DNAH5: variants seen among roughly 807,000 people sequenced by gnomAD.
The protein encoded by DNAH5 is axonemal beta dynein heavy chain 5.
Under a neutral mutation model 518.2 loss-of-function variants are expected in DNAH5, and 372 were observed. The observed-to-expected ratio is 0.72, with a 90% CI of 0.66 to 0.78. The LOEUF (loss-of-function observed/expected upper bound fraction) is 0.78, where lower values mean the gene tolerates loss of function less well. Ranked by LOEUF, DNAH5 falls within the 30% of genes least tolerant of loss-of-function variation. The pLI, the probability that DNAH5 is intolerant of heterozygous loss-of-function variation, is 0.00. For missense variants in DNAH5, 5,523 were observed against 5,687.0 expected (o/e 0.97, Z 0.93); for synonymous variants, 2,039 against 2,025.9 (o/e 1.01, Z -0.17).
intron 34 of DNAH5, among the ~76,000 whole-genome samples, chr5:13,840,673 AT>A (rs1404890272): frequency 6.6e-6 from 1 of 152,230 alleles, no homozygotes; most frequent in Non-Finnish European, 1.5e-5. Flanking sequence ...ACGTTAAAAC[AT>A]TTTTGAATAA....
intron 68 of DNAH5, 132 bp downstream of exon 68, chr5:13,734,998 TA>T: frequency 2.5e-6 from 2 of 810,770 alleles, no homozygotes; most frequent in Non-Finnish European, 2.0e-6. Context: ...AAAGAACAAA[TA>T]AAATATCTCA....
In DNAH5 at chr5:13,704,997, T is replaced by A. The variant is rs144339630; in HGVS notation, c.13338+3126A>T. Reference sequence around the variant, plus strand: ...TATAGTTTATACCAATAGACAATTTTTTTTTTTTTTCTGAGAGGGAGTCTC... The same window carrying A: ...TATAGTTTATACCAATAGACAATTTATTTTTTTTTTCTGAGAGGGAGTCTC... On this transcript the variant is annotated intron_variant, in intron 76 of 78. Coordinates refer to ENST00000265104, the MANE Select transcript of DNAH5 (RefSeq NM_001369.3). 1.3e-3 allele frequency among the ~76,000 whole-genome samples: 190 copies of A among 151,958 alleles called. 1 individual carries two copies. In the East Asian group the frequency reaches 0.033, roughly 27 times the overall value.
intron 1 of DNAH5, among the ~76,000 whole-genome samples, chr5:13,963,431 A>G (rs1161451713): frequency 6.6e-6 from 1 of 152,058 alleles, no homozygotes; most frequent in Non-Finnish European, 1.5e-5. Flanking sequence ...TACAAAAATT[A>G]GCTGGGTGTG....
intron 78 of DNAH5, among the ~76,000 whole-genome samples, chr5:13,695,345 G>A (rs1344170655): frequency 1.3e-5 from 2 of 152,132 alleles, no homozygotes; most frequent in Admixed American, 6.6e-5. Flanking sequence ...AGCACCATCC[G>A]CAGAGGGCTC....
At chr5:13,907,063 A>C (rs982114265) in intron 12 of DNAH5, among the ~76,000 whole-genome samples, 4 of 152,200 alleles carry the variant, frequency 2.6e-5, no homozygotes, top group African/African-American at 9.7e-5. Flanking sequence ...AATACAGACT[A>C]ACCTTTGGCA....
chr5:13,857,139 A>C (rs1028818611), intron 30 of DNAH5, among the ~76,000 whole-genome samples: 21 of 152,370 alleles, frequency 1.4e-4, no homozygotes, highest in African/African-American at 5.0e-4. Context: ...AAAACTCCTT[A>C]AGCTGATAAG....
intron 8 of DNAH5, among the ~76,000 whole-genome samples, 161 bp downstream of exon 8, chr5:13,916,982 G>A (rs1025902888): frequency 1.3e-5 from 2 of 152,096 alleles, no homozygotes; most frequent in South Asian, 2.1e-4. Flanking sequence ...ATATTTGTGC[G>A]TCTGCGTGTA....
In DNAH5 at chr5:13,692,026, G is replaced by A; in HGVS notation, c.13833C>T (p.His4611=). The A allele has an allele frequency of 6.2e-7, 1 of 1,614,114 alleles. No individual in the cohort carries two copies. The highest frequency in any genetic ancestry group is 8.5e-7 in the Non-Finnish European group (1 of 1,180,004). The change falls in exon 79 of 79, where the codon CAC becomes CAT. Residue 4611 remains histidine (H), a synonymous_variant. Coordinates refer to ENST00000265104, the MANE Select transcript of DNAH5 (RefSeq NM_001369.3). ...GAAGGGCAACCCCACGGAGCACCCA[G>A]TGTTCAGGGGTCTGGGCTGTCCTGA... is the stretch of plus-strand genomic sequence containing the variant. ...VDLRTAQTPE[H]WVLRGVALLC...
chr5:13,802,101 G>A (rs1311585897), intron 47 of DNAH5, among the ~76,000 whole-genome samples: 1 of 152,062 alleles, frequency 6.6e-6, no homozygotes. Flanking sequence ...GCAAGGACTT[G>A]CACTAAGGAC....
At chr5:13,921,240 C>T (rs1359122686) in intron 5 of DNAH5, among the ~76,000 whole-genome samples, 1 of 152,006 alleles carries the variant, frequency 6.6e-6, no homozygotes, top group African/African-American at 2.4e-5. Flanking sequence ...GCTTAACTCC[C>T]CCATTCCACA....
intron 53 of DNAH5, among the ~76,000 whole-genome samples, chr5:13,779,623 C>T (rs1378453239): frequency 6.6e-6 from 1 of 152,180 alleles, no homozygotes; most frequent in Non-Finnish European, 1.5e-5. Context: ...CTCCAAATCA[C>T]CTCTGTTTAT....
chr5:13,769,485 G>A lies in DNAH5; in HGVS notation c.9720+16C>T. The A allele has an allele frequency of 6.2e-7, 1 of 1,603,316 alleles. No individual in the cohort carries two copies. The highest frequency in any genetic ancestry group is 2.2e-5 in the East Asian group (1 of 44,818). On this transcript the variant is annotated intron_variant, in intron 57 of 78. Transcript: ENST00000265104. The stretch of plus-strand genomic sequence containing the variant: ...AATTCAAAAGGAATGTGGCACATGT[G>A]TAAATGCCCACCCACCATGTCGGCT...
At chr5:13,956,522 G>T (rs1780772977) in intron 1 of DNAH5, among the ~76,000 whole-genome samples, 1 of 152,004 alleles carries the variant, frequency 6.6e-6, no homozygotes, top group Non-Finnish European at 1.5e-5. Context: ...TTAACTTGTT[G>T]CTATAGATAG....
At chr5:13,704,345 G>A (rs75762957) in intron 76 of DNAH5, among the ~76,000 whole-genome samples, 4 of 152,112 alleles carry the variant, frequency 2.6e-5, no homozygotes, top group East Asian at 1.9e-4. Context: ...GCACACTCTC[G>A]CTTCACAGGG....
intron 24 of DNAH5, among the ~76,000 whole-genome samples, chr5:13,868,857 A>ATG (rs142664357): frequency 0.012 from 1,840 of 151,940 alleles, 31 homozygotes; most frequent in African/African-American, 0.041. Flanking sequence ...CTAGCTCATA[A>ATG]TGTGTGTGTG....
chr5:13,780,980 A>C, intron 52 of DNAH5, 21 bp from the exon 53 acceptor site: 3 of 1,612,414 alleles, frequency 1.9e-6, no homozygotes, highest in South Asian at 2.2e-5. Context: ...GAACAGAAAA[A>C]GTATGTATCT....
chr5:13,919,669 T>C (rs1777046397), intron 6 of DNAH5, among the ~76,000 whole-genome samples: 1 of 152,216 alleles, frequency 6.6e-6, no homozygotes, highest in Non-Finnish European at 1.5e-5. Context: ...TACATATTTA[T>C]GGGGTACATG....
intron 53 of DNAH5, among the ~76,000 whole-genome samples, chr5:13,778,596 A>AAGAAAGAGAGAGAGAGAGAGAAAGAAAG (rs768853052): frequency 5.9e-5 from 6 of 102,146 alleles, no homozygotes; most frequent in African/African-American, 2.2e-4. Flanking sequence ...GAAAGAAAGA[A>AAGAAAGAGAGAGAGAGAGAGAAAGAAAG]AGAGAGAGAG....
chr5:13,853,060 G>A lies in DNAH5; in HGVS notation c.4951-2245C>T, dbSNP rs565958013. Among the ~76,000 whole-genome samples the A allele has an allele frequency of 2.4e-4, 37 of 152,308 alleles. No homozygotes were observed. In the South Asian group the frequency reaches 2.7e-3, roughly 11 times the overall value. ...CCTCCTCAAGTGGGTCCCTGACCCC[G>A]TGCTTCCTGACAGGGAGACACTTCC... On this transcript the variant is annotated intron_variant, in intron 30 of 78. Transcript: ENST00000265104.
Sources: gnomAD v4.1 joint callset for allele counts (sites outside exome capture counted in the v4.1 genomes callset) on GRCh38, gnomAD v4.1.1 for gene constraint, MANE v1.5 for transcripts, NCBI Gene and HGNC (gene_info 2026-07-23, HGNC 2026-07-21) for gene names.